TASP1: variants seen among roughly 807,000 people sequenced by gnomAD.
TASP1 encodes the protein taspase 1, also known as threonine aspartase 1.
In TASP1, 16 loss-of-function variants were observed where a neutral mutation model predicts 56.6. The ratio of observed to expected loss-of-function variants is 0.28; its 90% confidence interval spans 0.19 to 0.43. The LOEUF (loss-of-function observed/expected upper bound fraction) is 0.43, where lower values mean the gene tolerates loss of function less well. TASP1 is among the 20% of genes least tolerant of loss of function. The probability of loss-of-function intolerance (pLI) is 1.00; values close to 1 mark genes in which losing one functional copy is unlikely to be tolerated. For synonymous variants in TASP1, 179 were observed against 184.2 expected, an observed-to-expected ratio of 0.97 and a Z score of 0.23; for missense variants, 393 against 511.6, an observed-to-expected ratio of 0.77 and a Z score of 2.24.
rs79322997 is a variant in TASP1, at chr20:13,483,536, A to T, written c.875-199T>A. ...TCAGCAGAAACTAAACACAAAGTTT[A>T]TCAATCAAAAGCAAACCAATACAAA... On this transcript the variant is annotated intron_variant, in intron 10 of 13. Transcript: ENST00000337743. 7.9e-3 allele frequency among the ~76,000 whole-genome samples: 1,200 copies of T among 152,336 alleles called. 13 individuals are homozygous for T. Among genetic ancestry groups the T allele is most frequent in the Middle Eastern group, 0.017 (5 of 294 alleles).
At chr20:13,228,174 T>G in the TASP1 span, among the ~76,000 whole-genome samples, 1 of 151,896 alleles carries the variant, frequency 6.6e-6, no homozygotes, top group Non-Finnish European at 1.5e-5. Context: ...AGTTTCACCA[T>G]GTTGGCCAGG....
chr20:13,253,764 GT>G, the TASP1 span, among the ~76,000 whole-genome samples: 2 of 151,756 alleles, frequency 1.3e-5, no homozygotes, highest in African/African-American at 4.8e-5. Flanking sequence ...ATCATTATCA[GT>G]TTTTCTGTGA....
At chr20:13,140,840 G>T in the TASP1 span, among the ~76,000 whole-genome samples, 16 of 152,138 alleles carry the variant, frequency 1.1e-4, no homozygotes, top group African/African-American at 3.9e-4. Context: ...ATACAACCAT[G>T]CCTCTTTGTT....
At chr20:13,208,611 A>G in the TASP1 span, among the ~76,000 whole-genome samples, 1 of 152,218 alleles carries the variant, frequency 6.6e-6, no homozygotes, top group Admixed American at 6.5e-5. Flanking sequence ...AGTAGAATTC[A>G]GCATAAGTGA....
the TASP1 span, among the ~76,000 whole-genome samples, chr20:13,181,820 C>G: frequency 6.6e-6 from 1 of 152,098 alleles, no homozygotes; most frequent in African/African-American, 2.4e-5. Context: ...TTAAATTTTA[C>G]CTTATAATGA....
chr20:13,152,014 AC>A, the TASP1 span, among the ~76,000 whole-genome samples: 1 of 152,156 alleles, frequency 6.6e-6, no homozygotes, highest in Non-Finnish European at 1.5e-5. Flanking sequence ...CATAATCCAA[AC>A]AGCTGGCAGA....
the TASP1 span, among the ~76,000 whole-genome samples, chr20:13,140,067 A>G: frequency 6.6e-6 from 1 of 152,210 alleles, no homozygotes; most frequent in African/African-American, 2.4e-5. Context: ...GACCCTGAAG[A>G]TAATAATTCC....
At chr20:13,231,809 T>C in the TASP1 span, among the ~76,000 whole-genome samples, 2 of 152,178 alleles carry the variant, frequency 1.3e-5, no homozygotes, top group Non-Finnish European at 2.9e-5. Flanking sequence ...GTCTCTGAGC[T>C]GCCTGATTTG....
the TASP1 span, among the ~76,000 whole-genome samples, chr20:13,261,806 G>T: frequency 3.9e-4 from 60 of 152,230 alleles, no homozygotes; most frequent in African/African-American, 1.4e-3. Context: ...ACTTGGCAAG[G>T]GTCCCTAGGC....
chr20:13,314,972 G>A, the TASP1 span, among the ~76,000 whole-genome samples: 7 of 151,982 alleles, frequency 4.6e-5, no homozygotes, highest in Admixed American at 4.6e-4. Flanking sequence ...AAGTGGACTT[G>A]GATTAGTTGT....
At chr20:13,274,879 C>T in the TASP1 span, among the ~76,000 whole-genome samples, 1 of 152,140 alleles carries the variant, frequency 6.6e-6, no homozygotes, top group Non-Finnish European at 1.5e-5. Context: ...CAAAAATGGT[C>T]TCAGACTACT....
intron 9 of TASP1, among the ~76,000 whole-genome samples, chr20:13,531,033 ATACC>A (rs767968953): frequency 3.5e-4 from 53 of 152,180 alleles, no homozygotes; most frequent in Non-Finnish European, 3.2e-4. Flanking sequence ...GATAATGAAA[ATACC>A]TACCTCATAT....
intron 10 of TASP1, among the ~76,000 whole-genome samples, chr20:13,493,980 G>A (rs1473618354): frequency 1.3e-5 from 2 of 152,158 alleles, no homozygotes; most frequent in Non-Finnish European, 2.9e-5. Flanking sequence ...AGTAAAAGTG[G>A]TATTCTTATC....
chr20:13,108,128 T>C, the TASP1 span, among the ~76,000 whole-genome samples: 3 of 152,176 alleles, frequency 2.0e-5, no homozygotes, highest in South Asian at 6.2e-4. Flanking sequence ...GGTGCCATGC[T>C]AACAGGGGCC....
chr20:13,163,293 G>A, the TASP1 span, among the ~76,000 whole-genome samples: 10 of 150,698 alleles, frequency 6.6e-5, no homozygotes, highest in East Asian at 5.9e-4. Flanking sequence ...ACTTGAACCC[G>A]GGAGGCGGAG....
intron 11 of TASP1, among the ~76,000 whole-genome samples, chr20:13,470,349 A>G (rs953369792): frequency 6.6e-6 from 1 of 152,178 alleles, no homozygotes; most frequent in Non-Finnish European, 1.5e-5. Context: ...CAATTCTACC[A>G]TGAGCTTCCT....
the TASP1 span, among the ~76,000 whole-genome samples, chr20:13,278,755 G>A: frequency 6.6e-6 from 1 of 152,222 alleles, no homozygotes; most frequent in African/African-American, 2.4e-5. Flanking sequence ...GCTTGTCTCT[G>A]CTCCATGTGA....
rs545041756 is a variant in TASP1, at chr20:13,533,957, A to C, written c.795+65T>G. 5.5e-5 allele frequency: 85 copies of C among 1,539,466 alleles called. 1 individual carries two copies. In the Admixed American group the frequency reaches 1.4e-3, roughly 25 times the overall value. ...AAAAAATGTTCCCACTGGTTAAAAA[A>C]TTGTGAGCTAAAAATTCCATGCTTT... On this transcript the variant is annotated intron_variant, in intron 9 of 13. Coordinates refer to ENST00000337743, the MANE Select transcript of TASP1 (RefSeq NM_017714.3).
intron 4 of TASP1, among the ~76,000 whole-genome samples, chr20:13,594,251 T>TA (rs2047643462): frequency 6.6e-6 from 1 of 152,148 alleles, no homozygotes; most frequent in East Asian, 1.9e-4. Context: ...AAAAGGTAGA[T>TA]AAAACCACAA....
Sources: gnomAD v4.1 joint callset for allele counts (sites outside exome capture counted in the v4.1 genomes callset) on GRCh38, gnomAD v4.1.1 for gene constraint, MANE v1.5 for transcripts, NCBI Gene and HGNC (gene_info 2026-07-23, HGNC 2026-07-21) for gene names.